The following ELMO1 variants were observed in gnomAD, a reference collection of about 807,000 sequenced individuals.
The protein encoded by ELMO1 is engulfment and cell motility 1.
ELMO1 carries 26 observed loss-of-function variants against 98.9 expected under a neutral mutation model. The ratio of observed to expected loss-of-function variants is 0.26; its 90% confidence interval spans 0.19 to 0.36. The LOEUF (loss-of-function observed/expected upper bound fraction) is 0.36. Ranked by LOEUF, ELMO1 falls within the 10% of genes least tolerant of loss-of-function variation. The pLI, the probability that ELMO1 is intolerant of heterozygous loss-of-function variation, is 1.00. For synonymous variants in ELMO1, 346 were observed against 346.0 expected (o/e 1.00, Z 0.00); for missense variants, 627 against 935.2 (o/e 0.67, Z 4.30).
intron 1 of ELMO1, among the ~76,000 whole-genome samples, chr7:37,398,450 C>T (rs1264593899): frequency 6.6e-6 from 1 of 152,194 alleles, no homozygotes; most frequent in Non-Finnish European, 1.5e-5. Context: ...AAAGACAAGG[C>T]AACTCAGGGA....
intron 1 of ELMO1, among the ~76,000 whole-genome samples, chr7:37,407,336 C>T (rs554534608): frequency 2.0e-5 from 3 of 152,038 alleles, no homozygotes; most frequent in East Asian, 1.9e-4. Context: ...GCTGAAACCC[C>T]GTCTCTACTA....
chr7:37,153,450 C>G (rs544449766), intron 13 of ELMO1, among the ~76,000 whole-genome samples: 1 of 152,302 alleles, frequency 6.6e-6, no homozygotes, highest in South Asian at 2.1e-4. Context: ...GTGCTTTTCC[C>G]ACAGTCTTCA....
intron 1 of ELMO1, among the ~76,000 whole-genome samples, chr7:37,431,653 T>G (rs1287291374): frequency 6.6e-6 from 1 of 152,194 alleles, no homozygotes. Context: ...AGAAATGTAT[T>G]CTGTTAATCT....
At chr7:37,171,481 C>CTTTTTTTTTTTTTTTT in intron 13 of ELMO1, among the ~76,000 whole-genome samples, 1 of 44,268 alleles carries the variant, frequency 2.3e-5, no homozygotes, top group Non-Finnish European at 5.1e-5. Context: ...CCAGGCCTTT[C>CTTTTTTTTTTTTTTTT]TATTTTTTTT....
chr7:37,200,865 A>G (rs774037099), intron 13 of ELMO1, among the ~76,000 whole-genome samples: 14 of 151,710 alleles, frequency 9.2e-5, no homozygotes, highest in Non-Finnish European at 2.1e-4. Context: ...GTGGTAGGAT[A>G]GCTGGAGCCC....
At chr7:37,355,875 G>A (rs956464470) in intron 1 of ELMO1, among the ~76,000 whole-genome samples, 1 of 152,196 alleles carries the variant, frequency 6.6e-6, no homozygotes, top group African/African-American at 2.4e-5. Context: ...CTGCACAGAG[G>A]GGGATCTGCC....
intron 13 of ELMO1, among the ~76,000 whole-genome samples, chr7:37,177,194 T>A (rs1030662332): frequency 6.6e-6 from 1 of 152,228 alleles, no homozygotes; most frequent in African/African-American, 2.4e-5. Flanking sequence ...AAAGCAAATC[T>A]GAGATTTCAT....
At chr7:36,988,733 G>A (rs1257884519) in intron 16 of ELMO1, among the ~76,000 whole-genome samples, 2 of 152,120 alleles carry the variant, frequency 1.3e-5, no homozygotes, top group African/African-American at 4.8e-5. Context: ...GAGGCAACAT[G>A]GCATCTTTGA....
In ELMO1 at chr7:36,908,895, C is replaced by T. The variant is rs118077517; in HGVS notation, c.1438-13878G>A. Reference sequence around the variant, plus strand: ...TAGCATTTCCTGGGTGTTTACTAAGCATGGGCACAGTGCTCTAAGCTTGGA... The same window carrying T: ...TAGCATTTCCTGGGTGTTTACTAAGTATGGGCACAGTGCTCTAAGCTTGGA... On this transcript the variant is annotated intron_variant, in intron 16 of 21. Coordinates refer to ENST00000310758, the MANE Select transcript of ELMO1 (RefSeq NM_014800.11). Among the ~76,000 whole-genome samples the T allele has an allele frequency of 2.0e-3, 299 of 152,292 alleles. 1 individual carries two copies. Among genetic ancestry groups the T allele is most frequent in the Non-Finnish European group, 3.6e-3 (242 of 68,016 alleles).
chr7:37,175,474 T>C (rs1790450392), intron 13 of ELMO1, among the ~76,000 whole-genome samples: 1 of 152,004 alleles, frequency 6.6e-6, no homozygotes, highest in Non-Finnish European at 1.5e-5. Context: ...CACCATGGAG[T>C]TACACCCAGG....
At chr7:37,295,030 T>A (rs1272033334) in intron 4 of ELMO1, among the ~76,000 whole-genome samples, 3 of 150,850 alleles carry the variant, frequency 2.0e-5, no homozygotes, top group Non-Finnish European at 4.5e-5. Context: ...CTCAAAAATA[T>A]TACTGAGTGA....
intron 20 of ELMO1, among the ~76,000 whole-genome samples, chr7:36,868,348 C>CTTTTTTTTTTTTTTTT (rs70977202): frequency 7.1e-6 from 1 of 140,632 alleles, no homozygotes; most frequent in Non-Finnish European, 1.5e-5. Context: ...TCTTCTTCTT[C>CTTTTTTTTTTTTTTTT]TTTTTTTTTT....
chr7:37,304,186 G>A (rs1002297318), intron 4 of ELMO1, among the ~76,000 whole-genome samples: 4 of 152,188 alleles, frequency 2.6e-5, no homozygotes, highest in Admixed American at 2.0e-4. Context: ...TTTAGAGACA[G>A]CTTCAGAAAG....
At chr7:37,205,041 C>A (rs972394356) in intron 13 of ELMO1, among the ~76,000 whole-genome samples, 10 of 152,162 alleles carry the variant, frequency 6.6e-5, no homozygotes, top group Admixed American at 5.2e-4. Context: ...GCTAGACACA[C>A]AATTCTCCAA....
At chr7:37,027,141 T>C (rs1257534223) in intron 15 of ELMO1, among the ~76,000 whole-genome samples, 1 of 152,118 alleles carries the variant, frequency 6.6e-6, no homozygotes, top group Non-Finnish European at 1.5e-5. Flanking sequence ...AAATGACCCA[T>C]TCTTCCTCCC....
intron 16 of ELMO1, among the ~76,000 whole-genome samples, chr7:37,006,981 G>A (rs939818905): frequency 3.9e-5 from 6 of 152,040 alleles, no homozygotes; most frequent in Non-Finnish European, 7.4e-5. Context: ...AACAGAAAGC[G>A]GCAAACTCCA....
At chr7:37,289,741 C>T (rs866386874) in intron 4 of ELMO1, among the ~76,000 whole-genome samples, 2 of 151,162 alleles carry the variant, frequency 1.3e-5, no homozygotes, top group Non-Finnish European at 1.5e-5. Context: ...GCATTGCATT[C>T]GAGATTTTTT....
chr7:37,154,110 G>GCATCAA (rs1328944429), intron 13 of ELMO1, among the ~76,000 whole-genome samples: 1 of 152,162 alleles, frequency 6.6e-6, no homozygotes, highest in African/African-American at 2.4e-5. Context: ...GAAAGGAATA[G>GCATCAA]CATCAACATC....
chr7:37,178,839 C>T (rs1220186336), intron 13 of ELMO1, among the ~76,000 whole-genome samples: 3 of 152,154 alleles, frequency 2.0e-5, no homozygotes, highest in African/African-American at 7.2e-5. Flanking sequence ...CATGACCAGA[C>T]TTGCTAGGAA....
Sources: gnomAD v4.1 joint callset for allele counts (sites outside exome capture counted in the v4.1 genomes callset) on GRCh38, gnomAD v4.1.1 for gene constraint, MANE v1.5 for transcripts, NCBI Gene and HGNC (gene_info 2026-07-23, HGNC 2026-07-21) for gene names.